CTNNAL1: variants seen among roughly 807,000 people sequenced by gnomAD.
CTNNAL1 encodes alpha-catulin.
CTNNAL1 carries 69 observed loss-of-function variants against 93.6 expected under a neutral mutation model. That is an observed-to-expected ratio of 0.74 (90% CI 0.61 to 0.90). The LOEUF (loss-of-function observed/expected upper bound fraction) is 0.90. CTNNAL1 is among the 40% of genes least tolerant of loss of function. The pLI, the probability that CTNNAL1 is intolerant of heterozygous loss-of-function variation, is 0.00. For missense variants in CTNNAL1, 836 were observed against 862.0 expected, an observed-to-expected ratio of 0.97 and a Z score of 0.38; for synonymous variants, 286 against 305.4, an observed-to-expected ratio of 0.94 and a Z score of 0.66.
At chr9:108,954,648 GTTTTT>G (rs1175519517) in intron 12 of CTNNAL1, among the ~76,000 whole-genome samples, 1 of 151,808 alleles carries the variant, frequency 6.6e-6, no homozygotes, top group East Asian at 1.9e-4. Context: ...CACAAAAACT[GTTTTT>G]TTTAAGTCAC....
rs1248770406 is a variant in CTNNAL1 at position 108,952,469 on chromosome 9, A to G, written c.1655T>C (p.Leu552Ser). The change falls in exon 13 of 19, where the codon TTA becomes TCA. Residue 552 changes from leucine to serine, a missense_variant. Leu to Ser is a moderately radical substitution (Grantham distance 145, BLOSUM62 -2). Coordinates refer to ENST00000325551, the MANE Select transcript of CTNNAL1 (RefSeq NM_003798.4). ...PMKNNANLKSLKPDKPDSEEQ... is the reference protein window; with the variant it reads ...PMKNNANLKSSKPDKPDSEEQ... Reference sequence around the variant, plus strand: ...CTCAGAGTCAGGCTTGTCTGGCTTTAATGATTTCAGGTTTGCATTATTCTT... The same window carrying G: ...CTCAGAGTCAGGCTTGTCTGGCTTTGATGATTTCAGGTTTGCATTATTCTT... 3 of 1,614,216 alleles carry G rather than the reference A, an allele frequency of 1.9e-6. No homozygotes were observed. The South Asian group carries it at 3.3e-5, about 18-fold the overall frequency.
At chr9:108,993,607 T>C (rs960756367) in intron 2 of CTNNAL1, among the ~76,000 whole-genome samples, 1 of 152,210 alleles carries the variant, frequency 6.6e-6, no homozygotes, top group Non-Finnish European at 1.5e-5. Context: ...TATCAAAACT[T>C]TTGATTTCTG....
At chr9:108,982,447 C>G (rs377688905) in intron 6 of CTNNAL1, among the ~76,000 whole-genome samples, 3 of 152,232 alleles carry the variant, frequency 2.0e-5, no homozygotes, top group Admixed American at 6.5e-5. Flanking sequence ...CCCTCTAACA[C>G]AGAGAAAAGC....
intron 10 of CTNNAL1, 21 bp downstream of exon 10, chr9:108,970,381 A>C: frequency 6.3e-7 from 1 of 1,598,984 alleles, no homozygotes. Flanking sequence ...ATACAGAAGG[A>C]GCAATCTGCT....
intron 4 of CTNNAL1, among the ~76,000 whole-genome samples, chr9:108,990,079 A>C (rs1258355085): frequency 1.3e-5 from 2 of 152,064 alleles, no homozygotes; most frequent in Admixed American, 6.6e-5. Flanking sequence ...TAAAATAAAA[A>C]ACAAATATCA....
chr9:108,960,793 G>A (rs1830802553), intron 11 of CTNNAL1, among the ~76,000 whole-genome samples: 1 of 152,324 alleles, frequency 6.6e-6, no homozygotes, highest in East Asian at 1.9e-4. Flanking sequence ...CTAAGGAAAA[G>A]TGGAGTCTTT....
chr9:108,992,092 C>G (rs1480079292), intron 3 of CTNNAL1: 1 of 764,564 alleles, frequency 1.3e-6, no homozygotes, highest in South Asian at 1.4e-5. Context: ...AAAAAAAGTA[C>G]AGAAGAATTC....
intron 8 of CTNNAL1, 59 bp from the exon 9 acceptor site, chr9:108,972,892 G>T (rs1831159383): frequency 2.1e-6 from 3 of 1,455,466 alleles, no homozygotes; most frequent in Non-Finnish European, 2.7e-6. Context: ...GGGTGATGAA[G>T]GAAAGAAAAC....
In CTNNAL1 at chr9:109,013,477, C is replaced by A; in HGVS notation, c.-35G>T. 1 of 1,326,220 alleles carries A rather than the reference C, an allele frequency of 7.5e-7. No individual in the cohort carries two copies. The highest frequency in any genetic ancestry group is 9.7e-7 in the Non-Finnish European group (1 of 1,032,670). The allele number at this position is 1,326,220 out of a possible 1,614,324, so 82.2% of individuals were successfully genotyped here. Reference sequence around the variant, plus strand: ...TCTATCCCGCAGCCGGGACTCCGCGCCGCGGCGAGCCTGCCGCCAGTCAGC... The same window carrying A: ...TCTATCCCGCAGCCGGGACTCCGCGACGCGGCGAGCCTGCCGCCAGTCAGC... On this transcript the variant is annotated 5_prime_UTR_variant, in exon 1 of 19. Coordinates refer to ENST00000325551, the MANE Select transcript of CTNNAL1 (RefSeq NM_003798.4).
At chr9:108,952,521 T>A (rs754431959) in intron 12 of CTNNAL1, 27 bp from the exon 13 acceptor site, 1 of 1,613,232 alleles carries the variant, frequency 6.2e-7, no homozygotes, top group Admixed American at 1.7e-5. Flanking sequence ...ATTAAGATTA[T>A]CTTAAAAAGC....
At position 108,983,177 on chromosome 9, in the gene CTNNAL1, T is replaced by C. The variant is rs553703596; in HGVS notation, c.868A>G (p.Ile290Val). The change falls in exon 6 of 19, where the codon ATC (isoleucine) becomes GTC (valine). Residue 290 changes from isoleucine (I) to valine (V), a missense_variant. Physicochemically the swap from Ile to Val is conservative, Grantham distance 29. Transcript: ENST00000325551. ...TCCTTAATTCCAGTAAAAATACTGA[T>C]AGATGAAATGTCAGTCTCTCCATTC... ...KPNGETDISSISIFTGIKEFK... is the reference protein window; with the variant it reads ...KPNGETDISSVSIFTGIKEFK... 4 of 1,564,422 alleles carry C rather than the reference T, an allele frequency of 2.6e-6. No individual in the cohort carries two copies. Among genetic ancestry groups the C allele is most frequent in the Non-Finnish European group, 3.5e-6 (4 of 1,156,390 alleles).
intron 17 of CTNNAL1, among the ~76,000 whole-genome samples, chr9:108,943,463 A>T (rs960973436): frequency 6.6e-6 from 1 of 152,328 alleles, no homozygotes; most frequent in Admixed American, 6.5e-5. Context: ...ATGACTTCAG[A>T]ATTGAAGGGC....
At chr9:108,953,763 G>A (rs1026441169) in intron 12 of CTNNAL1, among the ~76,000 whole-genome samples, 1 of 152,092 alleles carries the variant, frequency 6.6e-6, no homozygotes, top group Non-Finnish European at 1.5e-5. Context: ...AGAAACAGGT[G>A]AAGTTGAAGG....
Position 108,983,263 on chromosome 9 carries a change from A to T in CTNNAL1, c.782T>A (p.Val261Glu), listed in dbSNP as rs1290731959. 2 of 1,592,214 alleles carry T rather than the reference A, an allele frequency of 1.3e-6. No homozygotes were observed. The highest frequency in any genetic ancestry group is 1.7e-6 in the Non-Finnish European group (2 of 1,169,408). Residue 261 changes from valine to glutamate, a missense_variant, in exon 6 of 19, where the codon GTA (valine) becomes GAA (glutamate). Coordinates refer to ENST00000325551, the MANE Select transcript of CTNNAL1 (RefSeq NM_003798.4). ...CAATGCCACTTTCATACGGTCAAAT[A>T]CTCCTTCTTTGTTTTTATGGGCTGA... ...CESAHKNKEGVFDRMKVALDK... is the reference protein window; with the variant it reads ...CESAHKNKEGEFDRMKVALDK...
intron 3 of CTNNAL1, among the ~76,000 whole-genome samples, 153 bp from the exon 4 acceptor site, chr9:108,990,998 G>A (rs1027521887): frequency 6.6e-6 from 1 of 152,212 alleles, no homozygotes; most frequent in Non-Finnish European, 1.5e-5. Flanking sequence ...GGGATGCTCA[G>A]AGAAGTAGAA....
intron 1 of CTNNAL1, among the ~76,000 whole-genome samples, chr9:109,001,604 TAATGGAAGGCACTC>T (rs1393485478): frequency 6.6e-6 from 1 of 152,196 alleles, no homozygotes; most frequent in African/African-American, 2.4e-5. Context: ...AACTGCCACA[TAATGGAAGGCACTC>T]AAGCAACCCT....
At chr9:108,950,318 A>G (rs765545628) in intron 14 of CTNNAL1, among the ~76,000 whole-genome samples, 4 of 152,194 alleles carry the variant, frequency 2.6e-5, no homozygotes, top group African/African-American at 4.8e-5. Context: ...GTATGAACTT[A>G]AAAAGGTCAA....
At chr9:108,975,800 T>C (rs907746339) in intron 8 of CTNNAL1, among the ~76,000 whole-genome samples, 1 of 152,158 alleles carries the variant, frequency 6.6e-6, no homozygotes, top group African/African-American at 2.4e-5. Context: ...CAGTAGACAG[T>C]AGGTCCACAG....
At chr9:108,978,960 A>C (rs752165274) in intron 7 of CTNNAL1, among the ~76,000 whole-genome samples, 1 of 152,110 alleles carries the variant, frequency 6.6e-6, no homozygotes, top group Non-Finnish European at 1.5e-5. Context: ...CACTCTGAAG[A>C]AGTATTTTGG....
Sources: allele counts gnomAD v4.1 joint callset (sites outside exome capture counted in the v4.1 genomes callset), GRCh38; gene constraint gnomAD v4.1.1; transcripts MANE v1.5; gene names NCBI Gene and HGNC (gene_info 2026-07-23, HGNC 2026-07-21).